The following DNAH2 variants were observed in gnomAD, a reference collection of about 807,000 sequenced individuals.
The protein encoded by DNAH2 is dynein axonemal heavy chain 2, also known as axonemal beta dynein heavy chain 2.
Under a neutral mutation model 523.5 loss-of-function variants are expected in DNAH2, and 323 were observed. That is an observed-to-expected ratio of 0.62 (90% CI 0.56 to 0.68). The LOEUF (loss-of-function observed/expected upper bound fraction) is 0.68, where lower values mean the gene tolerates loss of function less well. Among genes scored for constraint, DNAH2 ranks in the 30% least tolerant of loss-of-function variants. The pLI is 0.00. For synonymous variants in DNAH2, 2,093 were observed against 2,177.4 expected (o/e 0.96, Z 1.08); for missense variants, 4,907 against 5,701.5 (o/e 0.86, Z 4.49).
chr17:7,740,065 C>CAG, intron 9 of DNAH2, 127 bp downstream of exon 9: 1 of 493,122 alleles, frequency 2.0e-6, no homozygotes, highest in Non-Finnish European at 2.7e-6. Flanking sequence ...GGGCGGTGGC[C>CAG]CGGGGGGGGG....
chr17:7,775,264 G>C lies in DNAH2; in HGVS notation c.4743G>C (p.Trp1581Cys). 6.2e-7 allele frequency: 1 copy of C among 1,613,440 alleles called. No individual in the cohort carries two copies. The highest frequency in any genetic ancestry group is 8.5e-7 in the Non-Finnish European group (1 of 1,179,736). Residue 1581 changes from tryptophan to cysteine, a missense_variant, in exon 30 of 86, where the codon TGG becomes TGC. This residue lies in a region of DNAH2 where 2,806 missense variants were observed against 3,190.8 expected (regional missense o/e 0.88). Transcript: ENST00000572933. ...IQKVGGPSSK[W>C]EAVGMFSGDG... Reference sequence around the variant, plus strand: ...AGGTTGGAGGGCCCAGCAGCAAATGGGAAGCTGTGGGGATGTTCTCGGGCG... The same window carrying C: ...AGGTTGGAGGGCCCAGCAGCAAATGCGAAGCTGTGGGGATGTTCTCGGGCG...
At chr17:7,730,946 C>G (rs1055189140) in intron 4 of DNAH2, among the ~76,000 whole-genome samples, 2 of 151,936 alleles carry the variant, frequency 1.3e-5, no homozygotes, top group African/African-American at 4.8e-5. Context: ...GAAACCCTGT[C>G]TCTACTAAAA....
chr17:7,719,827 C>T lies in DNAH2; in HGVS notation c.93C>T (p.Ala31=), dbSNP rs1407825272. The stretch of plus-strand genomic sequence containing the variant: ...GGCGGGCCACTCGGGCTGCTGTGGC[C>T]ACACAGGAGCAGGGGAATGCCCCGG... The part of the protein sequence containing the change: ...WSGRATRAAV[A]TQEQGNAPAV... Residue 31 remains alanine, a synonymous_variant, in exon 2 of 86, where the codon GCC becomes GCT. Transcript: ENST00000572933. 6.2e-7 allele frequency: 1 copy of T among 1,611,186 alleles called. No homozygotes were observed. Among genetic ancestry groups the T allele is most frequent in the African/African-American group, 1.3e-5 (1 of 74,874 alleles).
intron 18 of DNAH2, among the ~76,000 whole-genome samples, chr17:7,761,575 C>T (rs1756046226): frequency 6.6e-6 from 1 of 151,372 alleles, no homozygotes; most frequent in Admixed American, 6.6e-5. Flanking sequence ...ACCTCTGCCT[C>T]CCGGGTTCAA....
intron 71 of DNAH2, 53 bp from the exon 72 acceptor site, chr17:7,819,156 T>C: frequency 6.2e-7 from 1 of 1,608,172 alleles, no homozygotes. Context: ...CCTGAGCCCC[T>C]GCTCCCTGCC....
intron 39 of DNAH2, among the ~76,000 whole-genome samples, chr17:7,784,225 C>T (rs2076676076): frequency 6.6e-6 from 1 of 151,898 alleles, no homozygotes; most frequent in South Asian, 2.1e-4. Context: ...GCAAATTTTG[C>T]ACAATTACAA....
In DNAH2 at chr17:7,754,891, T is replaced by A; in HGVS notation, c.1905-2200T>A. On this transcript the variant is annotated intron_variant, in intron 12 of 85. Transcript: ENST00000572933. The surrounding 1 kb of genome is among the most constrained non-coding windows in gnomAD (Gnocchi z 4.6). ...GCCAACGTGAGGACAGAAGGACAGG[T>A]GCCACCCACCCCGGGCTGCCGTCTG... The A allele has an allele frequency of 1.7e-6, 1 of 586,374 alleles. No individual in the cohort carries two copies. Among genetic ancestry groups the A allele is most frequent in the Non-Finnish European group, 3.0e-6 (1 of 329,362 alleles). The allele number at this position is 586,374 out of a possible 1,614,324, so 36.3% of individuals were successfully genotyped here. A position where few individuals can be genotyped will look rare whatever the true frequency, so the allele number is the denominator to read the frequency against.
intron 30 of DNAH2, 60 bp downstream of exon 30, chr17:7,775,402 T>G: frequency 6.6e-7 from 1 of 1,521,832 alleles, no homozygotes; most frequent in Non-Finnish European, 9.0e-7. Flanking sequence ...AAAGTTCACC[T>G]GGGTCGGGCG....
chr17:7,758,773 G>A, intron 14 of DNAH2, 112 bp from the exon 15 acceptor site: 4 of 1,559,372 alleles, frequency 2.6e-6, no homozygotes, highest in Non-Finnish European at 3.5e-6. Flanking sequence ...GCTTGGGGAA[G>A]GACTTTTTTG....
intron 72 of DNAH2, among the ~76,000 whole-genome samples, chr17:7,820,930 T>A (rs1351365883): frequency 6.6e-6 from 1 of 152,110 alleles, no homozygotes. Flanking sequence ...TCCCAGCTGC[T>A]TGGGAGCCTG....
chr17:7,823,887 C>T lies in DNAH2; in HGVS notation c.11383C>T (p.Leu3795=), dbSNP rs901819555. 4 of 1,614,054 alleles carry T rather than the reference C, an allele frequency of 2.5e-6. No individual in the cohort carries two copies. The highest frequency in any genetic ancestry group is 1.3e-5 in the African/African-American group (1 of 74,934). ...GCAACGGATGCTGATCGTTCGCTCC[C>T]TGCGCCAGGACCGCGTGGCCTTCTG... ...EMQRMLIVRS[L]RQDRVAFCVT... The change falls in exon 75 of 86, where the codon CTG becomes TTG. Residue 3795 remains leucine (L), a synonymous_variant. Coordinates refer to ENST00000572933, the MANE Select transcript of DNAH2 (RefSeq NM_020877.5).
chr17:7,776,753 G>C (rs762022815), intron 31 of DNAH2, 26 bp from the exon 32 acceptor site: 4 of 1,591,684 alleles, frequency 2.5e-6, no homozygotes, highest in African/African-American at 1.3e-5. Context: ...ACAGGGCTTT[G>C]GGACGTGGCT....
chr17:7,764,004 A>C lies in DNAH2; in HGVS notation c.3152A>C (p.His1051Pro). 2.5e-6 allele frequency: 4 copies of C among 1,614,184 alleles called. No homozygotes were observed. The highest frequency in any genetic ancestry group is 3.4e-6 in the Non-Finnish European group (4 of 1,180,030). The change falls in exon 19 of 86, where the codon CAC becomes CCC. Residue 1051 changes from histidine (H) to proline (P), a missense_variant. Physicochemically the swap from His to Pro is moderately conservative, Grantham distance 77 (BLOSUM62 -2). Transcript: ENST00000572933. The stretch of plus-strand genomic sequence containing the variant: ...GCTGCTGGGCGCCTCCTGGAGCTGC[A>C]CACCTACCTGAAGGAGAACGCAGAG... ...EMAAGRLLEL[H>P]TYLKENAEKI... is the part of the protein sequence containing the mutation.
intron 7 of DNAH2, among the ~76,000 whole-genome samples, chr17:7,736,089 A>G (rs994400196): frequency 4.6e-5 from 7 of 151,972 alleles, no homozygotes; most frequent in Non-Finnish European, 7.4e-5. Context: ...GGATCTCACT[A>G]TGTTGTCCAG....
intron 63 of DNAH2, among the ~76,000 whole-genome samples, chr17:7,811,356 G>T (rs2077512346): frequency 6.6e-6 from 1 of 152,100 alleles, no homozygotes; most frequent in Admixed American, 6.6e-5. Flanking sequence ...CAAAGAAATG[G>T]AAATTCGACA....
intron 4 of DNAH2, among the ~76,000 whole-genome samples, chr17:7,732,367 G>A (rs964990179): frequency 2.7e-5 from 4 of 150,294 alleles, no homozygotes; most frequent in Non-Finnish European, 4.4e-5. Flanking sequence ...CCCGGGGGGC[G>A]GAGATTGCAG....
chr17:7,771,197 T>A (rs1313870715), intron 27 of DNAH2, 133 bp from the exon 28 acceptor site: 1 of 1,343,562 alleles, frequency 7.4e-7, no homozygotes, highest in Non-Finnish European at 1.0e-6. Flanking sequence ...CTTGTAGAAC[T>A]TGGGCATCTT....
chr17:7,739,097 G>T (rs944349544), intron 8 of DNAH2: 28 of 675,896 alleles, frequency 4.1e-5, no homozygotes, highest in Admixed American at 8.3e-5. Flanking sequence ...CAGGGCAAAC[G>T]GGGCAGAGGC....
At chr17:7,791,770 T>A in intron 44 of DNAH2, 147 bp from the exon 45 acceptor site, 1 of 757,156 alleles carries the variant, frequency 1.3e-6, no homozygotes, top group Non-Finnish European at 2.1e-6. Flanking sequence ...TAGATAAACA[T>A]CCACATTTGG....
Sources: allele counts gnomAD v4.1 joint callset (sites outside exome capture counted in the v4.1 genomes callset), GRCh38; gene constraint gnomAD v4.1.1; regional missense constraint gnomAD v4.1.1; non-coding constraint Gnocchi (gnomAD v3.1); transcripts MANE v1.5; gene names NCBI Gene and HGNC (gene_info 2026-07-23, HGNC 2026-07-21).